PLA2G4D: variants seen among roughly 807,000 people sequenced by gnomAD.
The protein encoded by PLA2G4D is phospholipase A2 group IVD, also known as cytosolic phospholipase A2 delta.
A neutral mutation model predicts 94.4 loss-of-function variants in PLA2G4D; 80 were observed. The ratio of observed to expected loss-of-function variants is 0.85; its 90% CI spans 0.71 to 1.02. The LOEUF is 1.02. PLA2G4D is among the 50% of genes least tolerant of loss of function. The probability of loss-of-function intolerance (pLI) is 0.00; values close to 1 mark genes in which losing one functional copy is unlikely to be tolerated. For missense variants in PLA2G4D, 1,050 were observed against 1,034.7 expected (o/e 1.01, Z -0.20); for synonymous variants, 438 against 440.9 (o/e 0.99, Z 0.08).
rs750603091 is a variant in PLA2G4D, at chr15:42,084,665, G to A, written c.471+431C>T. ...GGAGGAGCTAGCTGCCTGAGCCTCTGATCCTCCTAGGTTGGCAGTACACCG... is the reference window on the plus strand; with the variant it reads ...GGAGGAGCTAGCTGCCTGAGCCTCTAATCCTCCTAGGTTGGCAGTACACCG... On this transcript the variant is annotated intron_variant, in intron 6 of 19. Coordinates refer to ENST00000290472, the MANE Select transcript of PLA2G4D (RefSeq NM_178034.4). This position sits in a 1 kb window ranked among gnomAD's most constrained non-coding sequence, Gnocchi z 4.8. Among the ~76,000 whole-genome samples the A allele has an allele frequency of 3.3e-5, 5 of 152,124 alleles. No homozygotes were observed. Among genetic ancestry groups the A allele is most frequent in the Non-Finnish European group, 5.9e-5 (4 of 68,020 alleles).
chr15:42,069,672 G>C (rs932263211), intron 19 of PLA2G4D, among the ~76,000 whole-genome samples: 4 of 152,078 alleles, frequency 2.6e-5, no homozygotes, highest in African/African-American at 7.2e-5. Flanking sequence ...GCAGGAGCCC[G>C]GCATCATGAC....
chr15:42,081,590 C>G lies in PLA2G4D; in HGVS notation c.846G>C (p.Leu282=), dbSNP rs748629230. The G allele has an allele frequency of 3.7e-6, 6 of 1,614,170 alleles. No individual in the cohort carries two copies. In the South Asian group the frequency reaches 6.6e-5, roughly 18 times the overall value. The change falls in exon 11 of 20, where the codon CTG becomes CTC. Residue 282 remains leucine (L), a synonymous_variant. Transcript: ENST00000290472. The part of the protein sequence containing the change: ...EGCPEELAVH[L]GFNLCAEEQA... ...GCTCCTCTGCACAGAGATTGAAGCCCAGGTGCACGGCCAGCTCCTCAGGGC... is the reference window on the plus strand; with the variant it reads ...GCTCCTCTGCACAGAGATTGAAGCCGAGGTGCACGGCCAGCTCCTCAGGGC...
intron 13 of PLA2G4D, among the ~76,000 whole-genome samples, chr15:42,079,304 CTT>C (rs377130448): frequency 3.9e-5 from 6 of 152,358 alleles, no homozygotes; most frequent in African/African-American, 1.4e-4. Context: ...GCTTAACTGA[CTT>C]TGACATCGAC....
In PLA2G4D at chr15:42,068,603, A is replaced by G. The variant is rs1889730066; in HGVS notation, c.*112T>C. 9.8e-7 allele frequency: 1 copy of G among 1,017,920 alleles called. No individual in the cohort carries two copies. The highest frequency in any genetic ancestry group is 1.6e-5 in the African/African-American group (1 of 61,958). 63.1% of individuals were successfully genotyped at this position (1,017,920 alleles called of 1,614,324 possible). ...GGCAGTGAGACCAGCTACAGAGGCC[A>G]CCCAGGCCTGGGAGAGCCCAGAACT... is the stretch of plus-strand genomic sequence containing the variant. On this transcript the variant is annotated 3_prime_UTR_variant, in exon 20 of 20. Transcript: ENST00000290472.
intron 4 of PLA2G4D, among the ~76,000 whole-genome samples, chr15:42,085,744 C>T (rs1890130756): frequency 6.6e-6 from 1 of 152,238 alleles, no homozygotes; most frequent in South Asian, 2.1e-4. Flanking sequence ...CTGCAGAGAA[C>T]AGGTCTCCCT....
At chr15:42,077,799 A>G (rs1038119314) in intron 13 of PLA2G4D, among the ~76,000 whole-genome samples, 4 of 152,238 alleles carry the variant, frequency 2.6e-5, no homozygotes, top group Non-Finnish European at 4.4e-5. Flanking sequence ...GGAAGCAGTT[A>G]CAGAAGACAG....
At position 42,068,367 on chromosome 15, in the gene PLA2G4D, G is replaced by A; in HGVS notation, c.*348C>T. On this transcript the variant is annotated 3_prime_UTR_variant, in exon 20 of 20. Transcript: ENST00000290472. ...AGGCCTGAAGCCACCTGTCAGGTCA[G>A]GCATCCCCTGTCCTTCCTGTCCCTA... 1 of 259,420 alleles carries A rather than the reference G, an allele frequency of 3.9e-6. No individual in the cohort carries two copies. Among genetic ancestry groups the A allele is most frequent in the Admixed American group, 5.0e-5 (1 of 19,984 alleles). The allele number at this position is 259,420 out of a possible 1,614,324, so 16.1% of individuals were successfully genotyped here.
At position 42,086,404 on chromosome 15, in the gene PLA2G4D, C is replaced by A. The variant is rs2141102252; in HGVS notation, c.256-60G>T. 5 of 1,548,252 alleles carry A rather than the reference C, an allele frequency of 3.2e-6. No homozygotes were observed. In the East Asian group the frequency reaches 9.0e-5, roughly 28 times the overall value. On this transcript the variant is annotated intron_variant, in intron 3 of 19. Coordinates refer to ENST00000290472, the MANE Select transcript of PLA2G4D (RefSeq NM_178034.4). ...TGCTCATAGTGAGAGTAGCTCACCT[C>A]TGTTGAGCCCTTACTTGATGTCTAG... is the stretch of plus-strand genomic sequence containing the variant.
chr15:42,092,760 C>A (rs11633801), intron 1 of PLA2G4D, among the ~76,000 whole-genome samples: 2 of 152,178 alleles, frequency 1.3e-5, no homozygotes, highest in Non-Finnish European at 2.9e-5. Flanking sequence ...ACACGTTTGC[C>A]AGGAAGTTTT....
chr15:42,079,409 G>C, intron 13 of PLA2G4D, 128 bp downstream of exon 13: 1 of 882,910 alleles, frequency 1.1e-6, no homozygotes, highest in African/African-American at 1.8e-5. Flanking sequence ...TCCAAAGTGA[G>C]GCAGACACTA....
At chr15:42,070,924 C>T (rs1422784710) in intron 17 of PLA2G4D, 41 bp from the exon 18 acceptor site, 2 of 1,589,158 alleles carry the variant, frequency 1.3e-6, no homozygotes, top group Admixed American at 1.8e-5. Context: ...ACCACCCTGC[C>T]ACAGGTCATC....
chr15:42,083,186 G>T lies in PLA2G4D; in HGVS notation c.672+12C>A, dbSNP rs762262407. The stretch of plus-strand genomic sequence containing the variant: ...CCTAGGATTGCAAACGAGGTCTAGA[G>T]CCAAGACCCACCCTCAGGCGCCCGC... On this transcript the variant is annotated intron_variant, in intron 8 of 19. Coordinates refer to ENST00000290472, the MANE Select transcript of PLA2G4D (RefSeq NM_178034.4). 5 of 1,611,488 alleles carry T rather than the reference G, an allele frequency of 3.1e-6. No individual in the cohort carries two copies. The African/African-American group carries it at 6.7e-5, about 22-fold the overall frequency.
Position 42,085,402 on chromosome 15 carries a change from C to T in PLA2G4D, c.428+89G>A, listed in dbSNP as rs1331544543. 4 of 1,458,038 alleles carry T rather than the reference C, an allele frequency of 2.7e-6. No homozygotes were observed. In the Admixed American group the frequency reaches 5.0e-5, roughly 18 times the overall value. 90.3% of individuals were successfully genotyped at this position (1,458,038 alleles called of 1,614,324 possible). ...GGGTAGGAGATGAGGGACAGTCAGG[C>T]TGGACTGACCACAGGGAGATCTGGG... On this transcript the variant is annotated intron_variant, in intron 5 of 19. Coordinates refer to ENST00000290472, the MANE Select transcript of PLA2G4D (RefSeq NM_178034.4).
rs377556063 is a variant in PLA2G4D, at chr15:42,068,795, G to C, written c.2377C>G (p.Gln793Glu). The change falls in exon 20 of 20, where the codon CAG (glutamine) becomes GAG (glutamate). Residue 793 changes from glutamine (Q) to glutamate (E), a missense_variant. Gln to Glu is a conservative substitution (Grantham distance 29). Coordinates refer to ENST00000290472, the MANE Select transcript of PLA2G4D (RefSeq NM_178034.4). ...RLSDYNVQTS[Q>E]GAILQALRTA... ...CTCAGGGCCTGCAGGATGGCACCCT[G>C]GCTGGTCTGCACGTTGTAGTCACTG... is the stretch of plus-strand genomic sequence containing the variant. The C allele has an allele frequency of 4.4e-5, 71 of 1,613,436 alleles. No individual in the cohort carries two copies. Among genetic ancestry groups the C allele is most frequent in the Non-Finnish European group, 6.0e-5 (71 of 1,179,784 alleles).
intron 10 of PLA2G4D, 62 bp downstream of exon 10, chr15:42,081,735 C>T: frequency 6.2e-7 from 1 of 1,613,520 alleles, no homozygotes; most frequent in Non-Finnish European, 8.5e-7. Flanking sequence ...CACCTTTGTC[C>T]ATAGCCCTCC....
chr15:42,071,654 A>C, intron 15 of PLA2G4D, 103 bp from the exon 16 acceptor site: 5 of 1,393,868 alleles, frequency 3.6e-6, no homozygotes, highest in Non-Finnish European at 5.0e-6. Flanking sequence ...CCTACAATGC[A>C]TCCCCCCCGC....
intron 1 of PLA2G4D, among the ~76,000 whole-genome samples, chr15:42,092,322 C>T (rs977522551): frequency 2.6e-5 from 4 of 152,130 alleles, no homozygotes; most frequent in Admixed American, 6.5e-5. Context: ...TCACAACCCC[C>T]GTCTATTCTA....
Position 42,071,272 on chromosome 15 carries a change from G to C in PLA2G4D, c.1727C>G (p.Ala576Gly), listed in dbSNP as rs752088767. The change falls in exon 17 of 20, where the codon GCC (alanine) becomes GGC (glycine). Residue 576 changes from alanine to glycine, a missense_variant. Ala to Gly is a moderately conservative substitution (Grantham distance 60). Transcript: ENST00000290472. Reference sequence around the variant, plus strand: ...CGCCGTGCCTGGCTGCAGCCACGAGGCCTCCAGCCGCGAGGAGGTCCCCGA... The same window carrying C: ...CGCCGTGCCTGGCTGCAGCCACGAGCCCTCCAGCCGCGAGGAGGTCCCCGA... ...TTSGTSSRLE[A>G]SWLQPGTALA... 14 of 1,599,840 alleles carry C rather than the reference G, an allele frequency of 8.8e-6. No homozygotes were observed. The African/African-American group carries it at 1.8e-4, about 20-fold the overall frequency.
Position 42,081,788 on chromosome 15 carries a change from G to T in PLA2G4D, c.821+9C>A, listed in dbSNP as rs761594010. 131 of 1,614,028 alleles carry T rather than the reference G, an allele frequency of 8.1e-5. No homozygotes were observed. The highest frequency in any genetic ancestry group is 1.1e-4 in the Non-Finnish European group (130 of 1,180,022). ...TCTCACTGTCCCCACAGATGTGAAT[G>T]TCCCTTACCAGCCCTCTGCCTTGAG... On this transcript the variant is annotated intron_variant, in intron 10 of 19. Transcript: ENST00000290472.
Sources: allele counts gnomAD v4.1 joint callset (sites outside exome capture counted in the v4.1 genomes callset), GRCh38; gene constraint gnomAD v4.1.1; non-coding constraint Gnocchi (gnomAD v3.1); transcripts MANE v1.5; gene names NCBI Gene and HGNC (gene_info 2026-07-23, HGNC 2026-07-21).